The following FHOD3 variants were observed in gnomAD, a reference collection of about 807,000 sequenced individuals.
FHOD3 encodes formin homology 2 domain containing 3.
FHOD3 carries 90 observed loss-of-function variants against 173.0 expected under a neutral mutation model. That is an observed-to-expected ratio of 0.52 (90% confidence interval 0.44 to 0.62). The LOEUF (loss-of-function observed/expected upper bound fraction) is 0.62. FHOD3 is among the 20% of genes least tolerant of loss of function. The pLI is 0.00. For synonymous variants in FHOD3, 828 were observed against 823.0 expected (o/e 1.01, Z -0.10); for missense variants, 1,945 against 2,034.7 (o/e 0.96, Z 0.85).
intron 17 of FHOD3, among the ~76,000 whole-genome samples, chr18:36,700,658 C>T (rs16968184): frequency 0.18 from 27,436 of 152,090 alleles, 2,658 homozygotes; most frequent in African/African-American, 0.23. Flanking sequence ...CTCTTCTCAG[C>T]AACCCAATTT....
Position 36,681,644 on chromosome 18 carries a change from A to G in FHOD3, c.1970+74A>G, listed in dbSNP as rs1348650860. On this transcript the variant is annotated intron_variant, in intron 15 of 28. Transcript: ENST00000590592. ...GGCATGTGACTTTACAACTGTATAC[A>G]TTTAATATTGGCATTAAAGGAAGTA... 9 of 1,465,132 alleles carry G rather than the reference A, an allele frequency of 6.1e-6. No individual in the cohort carries two copies. In the East Asian group the frequency reaches 1.7e-4, roughly 28 times the overall value. The allele number at this position is 1,465,132 out of a possible 1,614,324, so 90.8% of individuals were successfully genotyped here.
At chr18:36,356,615 G>A (rs531689101) in intron 2 of FHOD3, among the ~76,000 whole-genome samples, 1 of 151,146 alleles carries the variant, frequency 6.6e-6, no homozygotes, top group African/African-American at 2.4e-5. Flanking sequence ...ATGTGCCACT[G>A]TGCCCAGCTA....
At chr18:36,373,947 G>T (rs1317886888) in intron 3 of FHOD3, among the ~76,000 whole-genome samples, 1 of 152,166 alleles carries the variant, frequency 6.6e-6, no homozygotes, top group Non-Finnish European at 1.5e-5. Context: ...CCTCATCCCA[G>T]ATCTAGAACA....
intron 6 of FHOD3, among the ~76,000 whole-genome samples, chr18:36,578,004 G>A (rs1423318158): frequency 3.3e-5 from 5 of 152,216 alleles, no homozygotes; most frequent in Non-Finnish European, 5.9e-5. Flanking sequence ...GGCACGTTAT[G>A]GAGATCAGAG....
intron 10 of FHOD3, among the ~76,000 whole-genome samples, chr18:36,639,611 G>A (rs777590331): frequency 1.4e-5 from 2 of 146,194 alleles, no homozygotes; most frequent in African/African-American, 5.1e-5. Context: ...TGCAGTGAGC[G>A]GAGATCGTGC....
chr18:36,325,759 C>A (rs1187913756), intron 1 of FHOD3, among the ~76,000 whole-genome samples: 1 of 152,120 alleles, frequency 6.6e-6, no homozygotes, highest in African/African-American at 2.4e-5. Context: ...TGCTAGGCAG[C>A]CTGCACCCAC....
chr18:36,779,599 G>A lies in FHOD3; in HGVS notation c.*69G>A, dbSNP rs974374066. 1.9e-5 allele frequency: 27 copies of A among 1,407,312 alleles called. No individual in the cohort carries two copies. The highest frequency in any genetic ancestry group is 5.1e-5 in the Admixed American group (3 of 58,322). 87.2% of individuals were successfully genotyped at this position (1,407,312 alleles called of 1,614,324 possible). A position where few individuals can be genotyped will look rare whatever the true frequency, so the allele number is the denominator to read the frequency against. The stretch of plus-strand genomic sequence containing the variant: ...CTCTTGCTGGATGAAACCCCTCCAG[G>A]TGGGGTTGGGGAGACTTGATATTCA... On this transcript the variant is annotated 3_prime_UTR_variant, in exon 29 of 29. Coordinates refer to ENST00000590592, the MANE Select transcript of FHOD3 (RefSeq NM_001281740.3).
intron 9 of FHOD3, among the ~76,000 whole-genome samples, chr18:36,612,727 T>C (rs1399471248): frequency 6.6e-6 from 1 of 152,262 alleles, no homozygotes; most frequent in Non-Finnish European, 1.5e-5. Context: ...CAGTTTAGAA[T>C]GCAAATATAA....
In FHOD3 at chr18:36,760,643, A is replaced by C; in HGVS notation, c.4485A>C (p.Pro1495=). ...GKFSGSSPAP[P]SQPQGLSYAE... Reference sequence around the variant, plus strand: ...TCTCCGGCAGTTCTCCGGCGCCCCCAAGCCAGCCGCAGGGTCTGAGCTATG... The same window carrying C: ...TCTCCGGCAGTTCTCCGGCGCCCCCCAGCCAGCCGCAGGGTCTGAGCTATG... The change falls in exon 27 of 29, where the codon CCA becomes CCC. Residue 1495 remains proline (P), a synonymous_variant. Transcript: ENST00000590592. 1 of 1,594,106 alleles carries C rather than the reference A, an allele frequency of 6.3e-7. No individual in the cohort carries two copies. The highest frequency in any genetic ancestry group is 8.6e-7 in the Non-Finnish European group (1 of 1,168,848).
intron 4 of FHOD3, among the ~76,000 whole-genome samples, chr18:36,506,024 G>A (rs2055279987): frequency 6.6e-6 from 1 of 152,140 alleles, no homozygotes; most frequent in Non-Finnish European, 1.5e-5. Context: ...TAAACATTTT[G>A]TACTGGGGAC....
intron 5 of FHOD3, among the ~76,000 whole-genome samples, chr18:36,530,688 T>G (rs962685943): frequency 6.6e-4 from 101 of 152,346 alleles, no homozygotes; most frequent in African/African-American, 2.4e-3. Flanking sequence ...TCTTGTTGTA[T>G]TTCCTTGTGC....
In FHOD3 at chr18:36,547,205, C is replaced by T. The variant is rs183296998; in HGVS notation, c.512-29246C>T. On this transcript the variant is annotated intron_variant, in intron 5 of 28. Transcript: ENST00000590592. ...TGAGGAGAGGCCAAGCTCCTGGCAG[C>T]ACCAGGCCGGCCTGTTCCTAGGTGC... 3.2e-3 allele frequency among the ~76,000 whole-genome samples: 491 copies of T among 152,278 alleles called. 1 individual carries two copies. Among genetic ancestry groups the T allele is most frequent in the Non-Finnish European group, 5.7e-3 (389 of 68,010 alleles).
chr18:36,448,946 C>T (rs1406478953), intron 3 of FHOD3, among the ~76,000 whole-genome samples: 3 of 151,772 alleles, frequency 2.0e-5, no homozygotes, highest in African/African-American at 7.3e-5. Context: ...CCCAGTTACC[C>T]TTTCCTCCCC....
intron 1 of FHOD3, among the ~76,000 whole-genome samples, chr18:36,326,019 A>G (rs977886533): frequency 1.3e-5 from 2 of 152,220 alleles, no homozygotes; most frequent in African/African-American, 4.8e-5. Flanking sequence ...TGGCTCCTCC[A>G]GGAGGGTGTT....
At chr18:36,591,582 G>C (rs1445554539) in intron 6 of FHOD3, among the ~76,000 whole-genome samples, 1 of 152,188 alleles carries the variant, frequency 6.6e-6, no homozygotes, top group Non-Finnish European at 1.5e-5. Flanking sequence ...CATATAGTAG[G>C]TGAACAAGCG....
At chr18:36,658,929 C>T (rs116440726) in intron 14 of FHOD3, among the ~76,000 whole-genome samples, 3 of 152,072 alleles carry the variant, frequency 2.0e-5, no homozygotes, top group Non-Finnish European at 2.9e-5. Flanking sequence ...AAAGTCCACT[C>T]GGGAGTGCTG....
intron 15 of FHOD3, among the ~76,000 whole-genome samples, chr18:36,683,717 C>CCTTTAT (rs1343862463): frequency 8.5e-5 from 13 of 152,320 alleles, no homozygotes; most frequent in Admixed American, 3.3e-4. Context: ...ATTTCTTTAT[C>CCTTTAT]TCCTACCCTA....
chr18:36,447,626 C>T (rs1426841491), intron 3 of FHOD3, among the ~76,000 whole-genome samples: 1 of 152,172 alleles, frequency 6.6e-6, no homozygotes, highest in Admixed American at 6.5e-5. Flanking sequence ...ATTGGAGGCT[C>T]CAGCCTCAGG....
intron 3 of FHOD3, among the ~76,000 whole-genome samples, chr18:36,460,191 C>A (rs898481095): frequency 2.6e-5 from 4 of 152,076 alleles, no homozygotes; most frequent in African/African-American, 9.7e-5. Flanking sequence ...TCAGACTGTC[C>A]CCCACTGTTC....
Sources: allele counts gnomAD v4.1 joint callset (sites outside exome capture counted in the v4.1 genomes callset), GRCh38; gene constraint gnomAD v4.1.1; transcripts MANE v1.5; gene names NCBI Gene and HGNC (gene_info 2026-07-23, HGNC 2026-07-21).